Variants in SETD4 observed in about 807,000 individuals in gnomAD.
SETD4 encodes the protein SET domain containing 4.
In SETD4, 46 loss-of-function variants were observed where a neutral mutation model predicts 58.3. That is an observed-to-expected ratio of 0.79 (90% CI 0.62 to 1.01). SETD4 has a LOEUF of 1.01. Ranked by LOEUF, SETD4 falls within the 50% of genes least tolerant of loss-of-function variation. The pLI is 0.00. For missense variants in SETD4, 490 were observed against 523.3 expected (o/e 0.94, Z 0.62); for synonymous variants, 190 against 202.6 (o/e 0.94, Z 0.53).
intron 3 of SETD4, among the ~76,000 whole-genome samples, chr21:36,054,586 G>A (rs972425843): frequency 8.6e-5 from 13 of 151,918 alleles, no homozygotes; most frequent in African/African-American, 2.7e-4. Context: ...TGATGCTCCC[G>A]GCTCATGGTG....
chr21:36,049,968 G>A lies in SETD4; in HGVS notation c.208-1572C>T, dbSNP rs75658604. On this transcript the variant is annotated intron_variant, in intron 4 of 11. Transcript: ENST00000332131. ...AAAAATATTGTACAACAATATGAATGTACTTAATACTACTGAACTTCAAAA... is the reference window on the plus strand; with the variant it reads ...AAAAATATTGTACAACAATATGAATATACTTAATACTACTGAACTTCAAAA... Among the ~76,000 whole-genome samples, 1,052 of 152,248 alleles carry A rather than the reference G, an allele frequency of 6.9e-3. 6 individuals are homozygous for A. The highest frequency in any genetic ancestry group is 0.023 in the African/African-American group (974 of 41,540).
Position 36,048,454 on chromosome 21 carries a change from A to G in SETD4, c.208-58T>C, listed in dbSNP as rs1052837533. The G allele has an allele frequency of 2.3e-5, 35 of 1,496,760 alleles. No homozygotes were observed. In the African/African-American group the frequency reaches 3.3e-4, roughly 14 times the overall value. The allele number at this position is 1,496,760 out of a possible 1,614,324, so 92.7% of individuals were successfully genotyped here. ...TATGCTTTGGGAAGGACCCATGAGT[A>G]TGAGTCTTACAAAGTCGTTGATCCC... is the stretch of plus-strand genomic sequence containing the variant. On this transcript the variant is annotated intron_variant, in intron 4 of 11. Coordinates refer to ENST00000332131, the MANE Select transcript of SETD4 (RefSeq NM_017438.5).
At chr21:36,040,714 G>A in intron 8 of SETD4, 59 bp from the exon 9 acceptor site, 1 of 1,450,922 alleles carries the variant, frequency 6.9e-7, no homozygotes, top group Non-Finnish European at 9.7e-7. Context: ...TGACCTCATA[G>A]CAAATGACTG....
chr21:36,036,046 C>A, intron 11 of SETD4, 39 bp downstream of exon 11: 1 of 1,592,504 alleles, frequency 6.3e-7, no homozygotes, highest in Admixed American at 1.7e-5. Context: ...TAAATTTAGT[C>A]CATCAAACCT....
At chr21:36,053,652 C>T (rs1407420980) in intron 3 of SETD4, 32 bp from the exon 4 acceptor site, 1 of 1,608,926 alleles carries the variant, frequency 6.2e-7, no homozygotes, top group East Asian at 2.2e-5. Context: ...GAGAGTAAAT[C>T]CTACCATAAC....
intron 5 of SETD4, 116 bp downstream of exon 5, chr21:36,048,192 T>C: frequency 1.2e-6 from 1 of 863,918 alleles, no homozygotes; most frequent in South Asian, 1.5e-5. Flanking sequence ...TCAGGTTATT[T>C]ATCAGCTCTA....
At chr21:36,053,188 C>T (rs979918896) in intron 4 of SETD4, 2 of 213,772 alleles carry the variant, frequency 9.4e-6, no homozygotes, top group Admixed American at 1.1e-4. Context: ...GAAGCCTGCC[C>T]TTCCTCACCC....
rs968277162 is a variant in SETD4 at position 36,050,751 on chromosome 21, G to C, written c.208-2355C>G. The C allele has an allele frequency of 1.9e-6, 3 of 1,612,318 alleles. No individual in the cohort carries two copies. In the African/African-American group the frequency reaches 4.0e-5, roughly 22 times the overall value. On this transcript the variant is annotated intron_variant, in intron 4 of 11. Coordinates refer to ENST00000332131, the MANE Select transcript of SETD4 (RefSeq NM_017438.5). The stretch of plus-strand genomic sequence containing the variant: ...GGCTCGAGATAAGCACCATTTGGCT[G>C]ATCTAAGCCATCTTATTTGCCATGA...
intron 4 of SETD4, chr21:36,051,338 C>T (rs1368335894): frequency 6.4e-7 from 1 of 1,569,416 alleles, no homozygotes; most frequent in African/African-American, 1.4e-5. Flanking sequence ...TCAACATGAA[C>T]CAGCTGCTAG....
At chr21:36,056,377 T>C (rs928022926) in intron 3 of SETD4, among the ~76,000 whole-genome samples, 1 of 152,126 alleles carries the variant, frequency 6.6e-6, no homozygotes, top group Non-Finnish European at 1.5e-5. Context: ...GGGGCCCTAA[T>C]TGCACCACCA....
intron 10 of SETD4, 27 bp downstream of exon 10, chr21:36,038,123 T>C: frequency 1.2e-6 from 2 of 1,602,232 alleles, no homozygotes; most frequent in Non-Finnish European, 8.5e-7. Flanking sequence ...GACACTTCTT[T>C]AAGGATGTCA....
intron 10 of SETD4, among the ~76,000 whole-genome samples, chr21:36,037,674 A>G (rs2063847750): frequency 6.6e-6 from 1 of 151,758 alleles, no homozygotes; most frequent in Non-Finnish European, 1.5e-5. Context: ...AAGCATAGGT[A>G]CTATGTTAAC....
intron 5 of SETD4, among the ~76,000 whole-genome samples, chr21:36,047,360 G>A (rs1240567477): frequency 2.0e-5 from 3 of 152,134 alleles, no homozygotes; most frequent in African/African-American, 7.2e-5. Context: ...CAAAACAAAG[G>A]CCCAGCAGAA....
intron 8 of SETD4, 35 bp from the exon 9 acceptor site, chr21:36,040,690 AT>A: frequency 6.4e-7 from 1 of 1,561,870 alleles, no homozygotes; most frequent in Non-Finnish European, 8.8e-7. Flanking sequence ...CAAATCCATC[AT>A]TTCAGTATTT....
rs755367148 is a variant in SETD4, at chr21:36,045,874, G to T, written c.434C>A (p.Pro145Gln). The change falls in exon 6 of 12, where the codon CCG becomes CAG. Residue 145 changes from proline (P) to glutamine (Q), a missense_variant. Physicochemically the swap from Pro to Gln is moderately conservative, Grantham distance 76. Transcript: ENST00000332131. ...TTTGGGAAGAAGGTTCACCACTTCC[G>T]GCTCCAAACAAACAGGGCAGGTATA... ...KAYTCPVCLEPEVVNLLPKSL... is the reference protein window; with the variant it reads ...KAYTCPVCLEQEVVNLLPKSL... 2 of 1,614,132 alleles carry T rather than the reference G, an allele frequency of 1.2e-6. No individual in the cohort carries two copies. The highest frequency in any genetic ancestry group is 1.3e-5 in the African/African-American group (1 of 75,016).
intron 10 of SETD4, 66 bp from the exon 11 acceptor site, chr21:36,036,317 GTAC>G: frequency 1.5e-6 from 1 of 675,054 alleles, no homozygotes; most frequent in Non-Finnish European, 2.1e-6. Context: ...CAGAACGTAC[GTAC>G]CTTTTTAACC....
At chr21:36,040,289 T>C (rs1193412374) in intron 9 of SETD4, among the ~76,000 whole-genome samples, 1 of 152,128 alleles carries the variant, frequency 6.6e-6, no homozygotes, top group Non-Finnish European at 1.5e-5. Context: ...GCCCACACTT[T>C]TTAAAGGATT....
At chr21:36,058,792 C>G in intron 2 of SETD4, 24 bp downstream of exon 2, 4 of 1,571,936 alleles carry the variant, frequency 2.5e-6, no homozygotes, top group Non-Finnish European at 3.4e-6. Flanking sequence ...TTTTTCATTA[C>G]TGGTACTAAA....
At chr21:36,050,541 A>C in intron 4 of SETD4, 1 of 1,614,030 alleles carries the variant, frequency 6.2e-7, no homozygotes, top group Admixed American at 1.7e-5. Context: ...ACTTCAAGCC[A>C]TCCTGAACTG....
Sources: allele counts gnomAD v4.1 joint callset (sites outside exome capture counted in the v4.1 genomes callset), GRCh38; gene constraint gnomAD v4.1.1; transcripts MANE v1.5; gene names NCBI Gene and HGNC (gene_info 2026-07-23, HGNC 2026-07-21).